MALRD1: variants seen among roughly 807,000 people sequenced by gnomAD.
MALRD1 encodes the protein MAM and LDL receptor class A domain containing 1.
Under a neutral mutation model 242.1 loss-of-function variants are expected in MALRD1, and 247 were observed. That is an observed-to-expected ratio of 1.02 (90% CI 0.92 to 1.13). The LOEUF is 1.13. Ranked by LOEUF, MALRD1 falls within the 50% of genes most tolerant of loss-of-function variation. The pLI, the probability that MALRD1 is intolerant of heterozygous loss-of-function variation, is 0.00. For missense variants in MALRD1, 2,989 were observed against 2,533.1 expected, an observed-to-expected ratio of 1.18 and a Z score of -3.86; for synonymous variants, 995 against 866.6, an observed-to-expected ratio of 1.15 and a Z score of -2.60.
Position 19,097,628 on chromosome 10 carries a change from T to C in MALRD1, c.598-6351T>C, listed in dbSNP as rs187590263. Among the ~76,000 whole-genome samples, 126 of 152,204 alleles carry C rather than the reference T, an allele frequency of 8.3e-4. 1 individual carries two copies. The highest frequency in any genetic ancestry group is 3.4e-3 in the Middle Eastern group (1 of 294). ...AGGCATTAGTACCAGAGTGACCCCA[T>C]CTTGAGTGAGGGCTAGGAAAATGAG... On this transcript the variant is annotated intron_variant, in intron 4 of 39. Transcript: ENST00000454679.
intron 32 of MALRD1, among the ~76,000 whole-genome samples, chr10:19,554,032 T>G (rs1589233200): frequency 1.3e-5 from 2 of 152,328 alleles, no homozygotes; most frequent in Middle Eastern, 6.8e-3. Context: ...CAAAATCCCC[T>G]GCTTTTATAG....
At chr10:19,687,390 C>G (rs1842621380) in intron 36 of MALRD1, among the ~76,000 whole-genome samples, 1 of 152,152 alleles carries the variant, frequency 6.6e-6, no homozygotes, top group Non-Finnish European at 1.5e-5. Flanking sequence ...TTTCTGGACT[C>G]AGACAATGGT....
At chr10:19,671,005 A>G (rs995163786) in intron 36 of MALRD1, among the ~76,000 whole-genome samples, 1 of 151,818 alleles carries the variant, frequency 6.6e-6, no homozygotes, top group African/African-American at 2.4e-5. Flanking sequence ...CAGCCTCCCA[A>G]GTAGCTGGGA....
intron 2 of MALRD1, among the ~76,000 whole-genome samples, chr10:19,086,204 A>G: frequency 6.6e-6 from 1 of 152,052 alleles, no homozygotes; most frequent in Admixed American, 6.6e-5. Context: ...TTAGGATGCA[A>G]TTTTGGAATA....
intron 28 of MALRD1, among the ~76,000 whole-genome samples, chr10:19,391,517 C>G (rs963629935): frequency 6.6e-6 from 1 of 152,178 alleles, no homozygotes; most frequent in African/African-American, 2.4e-5. Context: ...CAAATTCTTT[C>G]TTTACTCTTC....
intron 26 of MALRD1, among the ~76,000 whole-genome samples, chr10:19,356,871 G>A (rs1564590446): frequency 6.6e-6 from 1 of 152,250 alleles, no homozygotes; most frequent in Non-Finnish European, 1.5e-5. Context: ...CACTTTGGGA[G>A]CCTGAGGTGG....
chr10:19,622,016 T>A (rs1381238684), intron 36 of MALRD1, among the ~76,000 whole-genome samples: 1 of 151,828 alleles, frequency 6.6e-6, no homozygotes, highest in Admixed American at 6.6e-5. Context: ...TGGATTTTTT[T>A]AAGTATGGTA....
chr10:19,388,996 A>G (rs1012669715), intron 27 of MALRD1, among the ~76,000 whole-genome samples: 1 of 152,202 alleles, frequency 6.6e-6, no homozygotes, highest in Admixed American at 6.6e-5. Context: ...ATGTGCAAGA[A>G]CAAAACTGAA....
At chr10:19,679,061 T>C (rs1264119366) in intron 36 of MALRD1, among the ~76,000 whole-genome samples, 1 of 152,184 alleles carries the variant, frequency 6.6e-6, no homozygotes, top group African/African-American at 2.4e-5. Context: ...AGTTTGCCAG[T>C]ATTTTGTTGA....
intron 36 of MALRD1, among the ~76,000 whole-genome samples, chr10:19,634,810 A>G (rs775586423): frequency 6.6e-5 from 10 of 152,140 alleles, no homozygotes; most frequent in Non-Finnish European, 7.4e-5. Context: ...CCACAGACCT[A>G]TTTGAAAAAC....
At chr10:19,392,444 A>G (rs1251283538) in intron 28 of MALRD1, among the ~76,000 whole-genome samples, 2 of 152,200 alleles carry the variant, frequency 1.3e-5, no homozygotes, top group Non-Finnish European at 2.9e-5. Flanking sequence ...ATTTTTTAGA[A>G]AAAAACAAAA....
At chr10:19,364,574 C>T (rs10763966) in intron 26 of MALRD1, among the ~76,000 whole-genome samples, 96,467 of 151,926 alleles carry the variant, frequency 0.63, 31,013 homozygotes, top group African/African-American at 0.73. Context: ...TATTTTTTAC[C>T]GTGTGAGCTC....
intron 36 of MALRD1, among the ~76,000 whole-genome samples, chr10:19,643,322 T>C (rs1410714396): frequency 2.0e-5 from 3 of 151,962 alleles, no homozygotes; most frequent in African/African-American, 7.2e-5. Flanking sequence ...GGCAGGTGCC[T>C]GTAATCCCAA....
chr10:19,287,083 C>T (rs1028096639), intron 21 of MALRD1, among the ~76,000 whole-genome samples: 2 of 152,120 alleles, frequency 1.3e-5, no homozygotes, highest in Admixed American at 6.6e-5. Flanking sequence ...TTATGTACCA[C>T]ATGTAACAAA....
At chr10:19,420,402 T>C (rs936509985) in intron 28 of MALRD1, among the ~76,000 whole-genome samples, 3 of 152,182 alleles carry the variant, frequency 2.0e-5, no homozygotes, top group African/African-American at 7.2e-5. Context: ...ACATATTGAT[T>C]CTTTGAAAAG....
intron 1 of MALRD1, among the ~76,000 whole-genome samples, chr10:19,061,122 G>C (rs1330642623): frequency 6.6e-6 from 1 of 152,178 alleles, no homozygotes; most frequent in Admixed American, 6.5e-5. Flanking sequence ...CTGTCAGAGG[G>C]TGGCGGGTCA....
At chr10:19,125,340 T>C (rs575928376) in intron 7 of MALRD1, among the ~76,000 whole-genome samples, 4 of 89,938 alleles carry the variant, frequency 4.4e-5, no homozygotes, top group South Asian at 9.5e-4. Flanking sequence ...TTTCTTTCTT[T>C]CTTTCTTTCT....
At chr10:19,403,926 A>G (rs1564311143) in intron 28 of MALRD1, among the ~76,000 whole-genome samples, 1 of 152,134 alleles carries the variant, frequency 6.6e-6, no homozygotes, top group African/African-American at 2.4e-5. Context: ...TTGGTAGTCA[A>G]AAGAATATAA....
chr10:19,055,891 G>A lies in MALRD1; in HGVS notation c.199+6754G>A, dbSNP rs183581238. 4.9e-4 allele frequency among the ~76,000 whole-genome samples: 74 copies of A among 152,234 alleles called. 1 individual carries two copies. Among genetic ancestry groups the A allele is most frequent in the Middle Eastern group, 3.4e-3 (1 of 294 alleles). On this transcript the variant is annotated intron_variant, in intron 1 of 39. Transcript: ENST00000454679. ...TGAGGATCGAAAAACCACCTATTGC[G>A]TACTATTCTTATTACCTGGGTAGCA...
Sources: gnomAD v4.1 joint callset for allele counts (sites outside exome capture counted in the v4.1 genomes callset) on GRCh38, gnomAD v4.1.1 for gene constraint, MANE v1.5 for transcripts, NCBI Gene and HGNC (gene_info 2026-07-23, HGNC 2026-07-21) for gene names.